The following DSCAML1 variants were observed in gnomAD, a reference collection of about 807,000 sequenced individuals.
The protein encoded by DSCAML1 is cell adhesion molecule DSCAML1.
Under a neutral mutation model 200.5 loss-of-function variants are expected in DSCAML1, and 38 were observed. The observed-to-expected ratio is 0.19, with a 90% CI of 0.15 to 0.25. The LOEUF (loss-of-function observed/expected upper bound fraction) is 0.25. Ranked by LOEUF, DSCAML1 falls within the 10% of genes least tolerant of loss-of-function variation. DSCAML1 has a pLI of 1.00. For missense variants in DSCAML1, 2,223 were observed against 2,858.8 expected (o/e 0.78, Z 5.07); for synonymous variants, 1,215 against 1,165.0 (o/e 1.04, Z -0.87).
At chr11:117,499,253 G>A (rs2049351774) in intron 11 of DSCAML1, among the ~76,000 whole-genome samples, 1 of 152,120 alleles carries the variant, frequency 6.6e-6, no homozygotes, top group Non-Finnish European at 1.5e-5. Flanking sequence ...CAGCTCTGTG[G>A]ACGTGGTATT....
chr11:117,723,362 G>A (rs927051308), intron 3 of DSCAML1, among the ~76,000 whole-genome samples: 1 of 152,056 alleles, frequency 6.6e-6, no homozygotes, highest in Non-Finnish European at 1.5e-5. Flanking sequence ...TCATTCCCTT[G>A]ACCTGTTCCA....
At chr11:117,472,468 C>A (rs1209791789) in intron 14 of DSCAML1, among the ~76,000 whole-genome samples, 1 of 152,218 alleles carries the variant, frequency 6.6e-6, no homozygotes. Flanking sequence ...AGTCTCCTCT[C>A]CTTTTCTCCT....
At chr11:117,579,519 G>T (rs1487086040) in intron 3 of DSCAML1, among the ~76,000 whole-genome samples, 1 of 152,184 alleles carries the variant, frequency 6.6e-6, no homozygotes, top group Non-Finnish European at 1.5e-5. Context: ...TTATGTCTCA[G>T]CTAAATGTCC....
chr11:117,636,186 A>G (rs2052278253), intron 3 of DSCAML1, among the ~76,000 whole-genome samples: 1 of 152,196 alleles, frequency 6.6e-6, no homozygotes, highest in South Asian at 2.1e-4. Flanking sequence ...TGAATGAGGA[A>G]AAACCGAGCC....
At chr11:117,701,527 C>T (rs1187047090) in intron 3 of DSCAML1, among the ~76,000 whole-genome samples, 1 of 152,176 alleles carries the variant, frequency 6.6e-6, no homozygotes, top group East Asian at 1.9e-4. Flanking sequence ...ACAGGCAGGC[C>T]TCTTTGGAGG....
intron 3 of DSCAML1, among the ~76,000 whole-genome samples, chr11:117,681,585 C>T (rs547567570): frequency 6.6e-6 from 1 of 152,300 alleles, no homozygotes; most frequent in East Asian, 1.9e-4. Context: ...ATTGAATTTC[C>T]ATTTTTAATT....
intron 3 of DSCAML1, among the ~76,000 whole-genome samples, chr11:117,610,369 C>T (rs1168425168): frequency 1.3e-5 from 2 of 152,184 alleles, no homozygotes; most frequent in African/African-American, 4.8e-5. Context: ...CACCTCCAGT[C>T]CTACGAACAG....
Position 117,437,789 on chromosome 11 carries a change from A to G in DSCAML1, c.4432+106T>C. On this transcript the variant is annotated intron_variant, in intron 25 of 32. Transcript: ENST00000651296. The surrounding 1 kb of genome is among the most constrained non-coding windows in gnomAD (Gnocchi z 5.3). The stretch of plus-strand genomic sequence containing the variant: ...CCCTTCAGTCTCCCTGCATCCCTGG[A>G]CCCCTCCTTCCCCACCCCAGCCACC... 4.2e-6 allele frequency: 5 copies of G among 1,197,562 alleles called. No homozygotes were observed. Among genetic ancestry groups the G allele is most frequent in the Non-Finnish European group, 5.7e-6 (5 of 880,154 alleles). 74.2% of individuals were successfully genotyped at this position (1,197,562 alleles called of 1,614,324 possible).
intron 3 of DSCAML1, among the ~76,000 whole-genome samples, chr11:117,769,246 A>AT (rs762407388): frequency 4.5e-3 from 15 of 3,308 alleles, no homozygotes; most frequent in Non-Finnish European, 0.018. Context: ...TATTTTATAT[A>AT]TGTATATATT....
chr11:117,601,571 T>A (rs12284347), intron 3 of DSCAML1, among the ~76,000 whole-genome samples: 222 of 152,366 alleles, frequency 1.5e-3, no homozygotes, highest in Middle Eastern at 6.8e-3. Flanking sequence ...TCCTTTCACT[T>A]AAACCATGGA....
chr11:117,749,779 G>A (rs2054575317), intron 3 of DSCAML1, among the ~76,000 whole-genome samples: 2 of 152,250 alleles, frequency 1.3e-5, no homozygotes, highest in Non-Finnish European at 2.9e-5. Flanking sequence ...GGGCATCCAC[G>A]CATGAGATCC....
At chr11:117,632,427 T>C (rs1430740388) in intron 3 of DSCAML1, among the ~76,000 whole-genome samples, 2 of 152,222 alleles carry the variant, frequency 1.3e-5, no homozygotes, top group Admixed American at 6.5e-5. Context: ...ACAGGAACTA[T>C]GAGGCTTTCT....
intron 3 of DSCAML1, among the ~76,000 whole-genome samples, chr11:117,709,395 T>C (rs1423009702): frequency 6.6e-6 from 1 of 152,174 alleles, no homozygotes; most frequent in East Asian, 1.9e-4. Context: ...GAGTGAGCTC[T>C]ATGGTATCTC....
In DSCAML1 at chr11:117,439,318, C is replaced by T. The variant is rs374221934; in HGVS notation, c.4092G>A (p.Thr1364=). ...TGTCAAAGCCACCAGTGTTGGTGGC[C>T]GTGCACGTGTAGTAGCCAGAGTCCT... ...KAEDSGYYTC[T]ATNTGGFDTI... is the part of the protein sequence containing the mutation. Residue 1364 remains threonine (T), a synonymous_variant, in exon 23 of 33, where the codon ACG becomes ACA. Transcript: ENST00000651296. 1.4e-4 allele frequency: 233 copies of T among 1,614,064 alleles called. No individual in the cohort carries two copies. Among genetic ancestry groups the T allele is most frequent in the Admixed American group, 5.0e-4 (30 of 60,024 alleles).
At chr11:117,546,009 C>T (rs183772160) in intron 3 of DSCAML1, among the ~76,000 whole-genome samples, 2 of 152,338 alleles carry the variant, frequency 1.3e-5, no homozygotes, top group Admixed American at 1.3e-4. Context: ...GGCGGGACCT[C>T]GGCTATGCGA....
intron 19 of DSCAML1, among the ~76,000 whole-genome samples, chr11:117,457,194 C>T (rs532732700): frequency 5.4e-4 from 82 of 152,344 alleles, no homozygotes; most frequent in African/African-American, 1.7e-3. Context: ...CATGCTGCGG[C>T]GCCGCCTCCC....
At chr11:117,776,977 A>G in intron 2 of DSCAML1, 40 bp from the exon 3 acceptor site, 1 of 1,609,688 alleles carries the variant, frequency 6.2e-7, no homozygotes. Context: ...AGAGTGTCAC[A>G]AGGATGTGGT....
At chr11:117,539,018 CCT>C (rs2050216396) in intron 3 of DSCAML1, among the ~76,000 whole-genome samples, 1 of 152,202 alleles carries the variant, frequency 6.6e-6, no homozygotes, top group Admixed American at 6.5e-5. Flanking sequence ...TCCTGCGGCT[CCT>C]CTGTTCAGAA....
chr11:117,481,955 G>T lies in DSCAML1; in HGVS notation c.2559+8C>A, dbSNP rs1226711620. The T allele has an allele frequency of 6.2e-7, 1 of 1,613,718 alleles. No individual in the cohort carries two copies. The highest frequency in any genetic ancestry group is 1.3e-5 in the African/African-American group (1 of 74,926). On this transcript the variant is annotated splice_region_variant and intron_variant, in intron 12 of 32. Coordinates refer to ENST00000651296, the MANE Select transcript of DSCAML1 (RefSeq NM_020693.4). ...GGGGTCCCCCAGCACTGAGGTGGGG[G>T]TGCTCACCTTCAGTGTGGAGACGAC...
Sources: allele counts gnomAD v4.1 joint callset (sites outside exome capture counted in the v4.1 genomes callset), GRCh38; gene constraint gnomAD v4.1.1; non-coding constraint Gnocchi (gnomAD v3.1); transcripts MANE v1.5; gene names NCBI Gene and HGNC (gene_info 2026-07-23, HGNC 2026-07-21).